PCDH15: variants seen among roughly 807,000 people sequenced by gnomAD.
The protein encoded by PCDH15 is protocadherin-15.
A neutral mutation model predicts 178.5 loss-of-function variants in PCDH15; 129 were observed. The observed-to-expected ratio is 0.72, with a 90% CI of 0.63 to 0.84. The LOEUF is 0.84. Ranked by LOEUF, PCDH15 falls within the 40% of genes least tolerant of loss-of-function variation. The probability of loss-of-function intolerance (pLI) is 0.00; values close to 1 mark genes in which losing one functional copy is unlikely to be tolerated. For missense variants in PCDH15, 2,230 were observed against 2,099.9 expected (o/e 1.06, Z -1.21); for synonymous variants, 800 against 732.0 (o/e 1.09, Z -1.50).
chr10:54,284,395 T>C (rs906843092), intron 8 of PCDH15, among the ~76,000 whole-genome samples: 1 of 152,204 alleles, frequency 6.6e-6, no homozygotes, highest in African/African-American at 2.4e-5. Flanking sequence ...TTATACTCCA[T>C]TTATTCTTAT....
Position 55,228,885 on chromosome 10 carries a change from T to C in PCDH15, c.-155-62234A>G, listed in dbSNP as rs911645830. ...TACTTATCATTTACTCCCATCACAA[T>C]ACCTTAATAATTTCTTGTTAGTTTT... On this transcript the variant is annotated intron_variant, in intron 1 of 5. Coordinates refer to the PCDH15 transcript ENST00000458638. Among the ~76,000 whole-genome samples, 3 of 152,084 alleles carry C rather than the reference T, an allele frequency of 2.0e-5. No homozygotes were observed. In the East Asian group the frequency reaches 5.8e-4, roughly 29 times the overall value.
At chr10:55,241,086 C>T (rs899336948) in intron 1 of PCDH15, among the ~76,000 whole-genome samples, 1 of 151,986 alleles carries the variant, frequency 6.6e-6, no homozygotes, top group South Asian at 2.1e-4. Context: ...CGTGGTGGCA[C>T]ACACCTGTAG....
chr10:54,873,931 A>G (rs1320415523), intron 3 of PCDH15, among the ~76,000 whole-genome samples: 2 of 150,378 alleles, frequency 1.3e-5, no homozygotes, highest in Non-Finnish European at 3.0e-5. Flanking sequence ...TTAAAATACC[A>G]TTACTTTCAG....
chr10:53,967,990 G>T (rs755637174), intron 21 of PCDH15, among the ~76,000 whole-genome samples: 2 of 152,126 alleles, frequency 1.3e-5, no homozygotes, highest in Non-Finnish European at 2.9e-5. Context: ...TCCAACTGAG[G>T]TACCGGGTTC....
chr10:54,599,308 T>G (rs565556391), intron 2 of PCDH15, among the ~76,000 whole-genome samples: 1 of 151,958 alleles, frequency 6.6e-6, no homozygotes, highest in African/African-American at 2.4e-5. Context: ...CAAGAACATA[T>G]GCATAGACCA....
chr10:54,073,510 T>A (rs1020034058), intron 17 of PCDH15, among the ~76,000 whole-genome samples: 2 of 152,104 alleles, frequency 1.3e-5, no homozygotes, highest in African/African-American at 4.8e-5. Context: ...AAATGTTAAT[T>A]GTTCATTTAT....
At chr10:55,474,499 G>A (rs182929209) in intron 2 of PCDH15, among the ~76,000 whole-genome samples, 1 of 152,124 alleles carries the variant, frequency 6.6e-6, no homozygotes, top group African/African-American at 2.4e-5. Context: ...TAGCTAATAG[G>A]GAGTTTCACA....
intron 21 of PCDH15, among the ~76,000 whole-genome samples, chr10:53,981,823 T>C (rs2090667148): frequency 6.6e-6 from 1 of 151,278 alleles, no homozygotes. Flanking sequence ...ACAAATGGGA[T>C]CTAATTAAAC....
intron 21 of PCDH15, among the ~76,000 whole-genome samples, chr10:53,971,149 A>C (rs2089639514): frequency 6.6e-6 from 1 of 152,166 alleles, no homozygotes; most frequent in African/African-American, 2.4e-5. Context: ...AAATCAATAA[A>C]CGTAATGCAG....
At chr10:55,038,309 A>T (rs941817534) in intron 2 of PCDH15, among the ~76,000 whole-genome samples, 3 of 152,204 alleles carry the variant, frequency 2.0e-5, no homozygotes, top group African/African-American at 4.8e-5. Flanking sequence ...TTTTCTATAA[A>T]TTGTAAAATA....
intron 2 of PCDH15, among the ~76,000 whole-genome samples, chr10:54,909,982 G>A (rs1954791608): frequency 1.3e-5 from 2 of 152,182 alleles, no homozygotes; most frequent in South Asian, 4.1e-4. Flanking sequence ...GGTGCCTTCA[G>A]CTGGGTGCTT....
intron 18 of PCDH15, among the ~76,000 whole-genome samples, chr10:54,034,446 C>T (rs554084444): frequency 1.3e-5 from 2 of 151,954 alleles, no homozygotes; most frequent in South Asian, 2.1e-4. Flanking sequence ...TTTGGGATGT[C>T]TCCAAATTGG....
chr10:54,104,550 G>A (rs1056731139), intron 15 of PCDH15, among the ~76,000 whole-genome samples: 1 of 152,058 alleles, frequency 6.6e-6, no homozygotes, highest in Non-Finnish European at 1.5e-5. Context: ...TAGAATCCCT[G>A]AGTTCAGCCG....
chr10:55,453,626 T>G (rs1449216328), intron 2 of PCDH15, among the ~76,000 whole-genome samples: 2 of 152,042 alleles, frequency 1.3e-5, no homozygotes, highest in Non-Finnish European at 2.9e-5. Flanking sequence ...TATGTTTACT[T>G]CTCAGTCCCA....
chr10:54,935,811 A>G (rs1057453370), intron 2 of PCDH15, among the ~76,000 whole-genome samples: 1 of 151,976 alleles, frequency 6.6e-6, no homozygotes, highest in Non-Finnish European at 1.5e-5. Context: ...TTACATTGTT[A>G]TTCTTAAATT....
intron 2 of PCDH15, among the ~76,000 whole-genome samples, chr10:54,651,026 C>CT (rs1247845161): frequency 2.0e-5 from 3 of 151,838 alleles, no homozygotes; most frequent in Non-Finnish European, 2.9e-5. Flanking sequence ...AAAGTGAACC[C>CT]TACAAGCAAT....
chr10:54,032,026 T>TA lies in PCDH15; in HGVS notation c.2221-8830dup, dbSNP rs922079904. 5.3e-5 allele frequency among the ~76,000 whole-genome samples: 8 copies of TA among 151,684 alleles called. No homozygotes were observed. In the South Asian group the frequency reaches 6.2e-4, roughly 12 times the overall value. The stretch of plus-strand genomic sequence containing the variant: ...GTGTATATACCTCTTTATGTGATGG[T>TA]AAAAAAAATTATATATTAAATTATA... On this transcript the variant is annotated intron_variant, in intron 18 of 37. Coordinates refer to ENST00000644397, the MANE Select transcript of PCDH15 (RefSeq NM_001384140.1).
At chr10:54,343,186 A>G (rs1314103374) in intron 6 of PCDH15, among the ~76,000 whole-genome samples, 2 of 152,172 alleles carry the variant, frequency 1.3e-5, no homozygotes, top group Admixed American at 6.5e-5. Context: ...TGTCCCGACT[A>G]AAATCTCATG....
chr10:53,831,607 T>C, intron 29 of PCDH15, 74 bp from the exon 30 acceptor site: 1 of 1,115,322 alleles, frequency 9.0e-7, no homozygotes, highest in Non-Finnish European at 1.3e-6. Flanking sequence ...AATCTTTTTG[T>C]AAGATCTTTC....
Sources: gnomAD v4.1 joint callset for allele counts (sites outside exome capture counted in the v4.1 genomes callset) on GRCh38, gnomAD v4.1.1 for gene constraint, MANE v1.5 for transcripts, NCBI Gene and HGNC (gene_info 2026-07-23, HGNC 2026-07-21) for gene names.